GTF2IRD1: variants seen among roughly 807,000 people sequenced by gnomAD.
GTF2IRD1 encodes general transcription factor II-I repeat domain-containing protein 1.
Under a neutral mutation model 113.2 loss-of-function variants are expected in GTF2IRD1, and 26 were observed. The ratio of observed to expected loss-of-function variants is 0.23; its 90% CI spans 0.17 to 0.32. The LOEUF is 0.32. GTF2IRD1 is among the 10% of genes least tolerant of loss of function. The probability of loss-of-function intolerance (pLI) is 1.00; values close to 1 mark genes in which losing one functional copy is unlikely to be tolerated. For synonymous variants in GTF2IRD1, 484 were observed against 529.1 expected, an observed-to-expected ratio of 0.91 and a Z score of 1.17; for missense variants, 864 against 1,280.8, an observed-to-expected ratio of 0.67 and a Z score of 4.97.
intron 22 of GTF2IRD1, among the ~76,000 whole-genome samples, chr7:74,560,547 T>TAAAAATATTATATATATAATA (rs1583888591): frequency 6.8e-6 from 1 of 147,020 alleles, no homozygotes; most frequent in Admixed American, 6.9e-5. Flanking sequence ...TATATATAAT[T>TAAAAATATTATATATATAATA]AAAAATATTA....
At chr7:74,510,396 TC>T (rs1796554856) in intron 2 of GTF2IRD1, among the ~76,000 whole-genome samples, 1 of 150,616 alleles carries the variant, frequency 6.6e-6, no homozygotes, top group Admixed American at 6.7e-5. Context: ...AACCTCCGCC[TC>T]CTGGGCTCAA....
At chr7:74,508,545 G>C (rs959637616) in intron 2 of GTF2IRD1, among the ~76,000 whole-genome samples, 1 of 152,104 alleles carries the variant, frequency 6.6e-6, no homozygotes, top group Non-Finnish European at 1.5e-5. Context: ...CAAAAAATTA[G>C]CTGGGCGTGG....
At chr7:74,500,584 C>T (rs111709732) in intron 1 of GTF2IRD1, among the ~76,000 whole-genome samples, 1,571 of 149,344 alleles carry the variant, frequency 0.011, 31 homozygotes, top group African/African-American at 0.038. Context: ...TGAGGTTGTT[C>T]GTGTATGTGT....
intron 1 of GTF2IRD1, among the ~76,000 whole-genome samples, chr7:74,505,167 G>T (rs1796236305): frequency 6.6e-6 from 1 of 152,082 alleles, no homozygotes. Flanking sequence ...CTATAAGCAT[G>T]AACCACCGCA....
rs201864475 is a variant in GTF2IRD1, at chr7:74,601,066, G to A, written c.2652G>A (p.Lys884=). 5 of 1,614,166 alleles carry A rather than the reference G, an allele frequency of 3.1e-6. No homozygotes were observed. The highest frequency in any genetic ancestry group is 4.2e-6 in the Non-Finnish European group (5 of 1,180,030). Residue 884 remains lysine, a synonymous_variant, in exon 26 of 27, where the codon AAG becomes AAA. Transcript: ENST00000424337. ...CAGCCAAAGACAGCAGCATTCCCAA[G>A]CGCAAGAGAAAGCGGGTCTCGGAAG... ...KVPAKDSSIP[K]RKRKRVSEGN... is the part of the protein sequence containing the mutation.
chr7:74,590,671 G>A (rs1320913226), intron 23 of GTF2IRD1, among the ~76,000 whole-genome samples, 154 bp from the exon 24 acceptor site: 2 of 152,152 alleles, frequency 1.3e-5, no homozygotes, highest in African/African-American at 4.8e-5. Context: ...GATTACAGGC[G>A]TGAGCCACTG....
At chr7:74,578,766 C>T (rs1216522281) in intron 22 of GTF2IRD1, among the ~76,000 whole-genome samples, 2 of 152,150 alleles carry the variant, frequency 1.3e-5, no homozygotes, top group African/African-American at 4.8e-5. Context: ...CAGGCCACGA[C>T]GGGAGGATCC....
intron 26 of GTF2IRD1, chr7:74,602,002 A>G: frequency 5.8e-6 from 1 of 171,098 alleles, no homozygotes; most frequent in Non-Finnish European, 1.2e-5. Context: ...GCACTTTGGG[A>G]GGCCGAGGCA....
At chr7:74,570,196 C>T (rs1800612594) in intron 22 of GTF2IRD1, among the ~76,000 whole-genome samples, 1 of 151,070 alleles carries the variant, frequency 6.6e-6, no homozygotes, top group Non-Finnish European at 1.5e-5. Context: ...ACCCTGTCTC[C>T]ACCAAAAAAT....
At position 74,457,293 on chromosome 7, in the gene GTF2IRD1, A is replaced by G. The variant is rs371478470; in HGVS notation, c.-7+3117A>G. Among the ~76,000 whole-genome samples, 12 of 152,210 alleles carry G rather than the reference A, an allele frequency of 7.9e-5. No individual in the cohort carries two copies. The South Asian group carries it at 2.3e-3, about 29-fold the overall frequency. ...GAGTGAACCACCGCGCCTAGCCAAC[A>G]TCCTTTCCTTCCTTTGTCCCAACAT... On this transcript the variant is annotated intron_variant, in intron 1 of 26. Coordinates refer to ENST00000424337, the MANE Select transcript of GTF2IRD1 (RefSeq NM_005685.4).
intron 3 of GTF2IRD1, among the ~76,000 whole-genome samples, chr7:74,514,883 C>T (rs1197864615): frequency 2.0e-5 from 3 of 151,556 alleles, no homozygotes; most frequent in African/African-American, 7.3e-5. Context: ...ATGGTGAGAC[C>T]CCATCTCTAC....
At chr7:74,574,751 G>A (rs926681774) in intron 22 of GTF2IRD1, among the ~76,000 whole-genome samples, 1 of 150,954 alleles carries the variant, frequency 6.6e-6, no homozygotes, top group Admixed American at 6.6e-5. Context: ...GTGAGCCACC[G>A]TGCCCGGCCT....
chr7:74,518,369 C>T (rs1554345205), intron 5 of GTF2IRD1, 47 bp downstream of exon 5: 3 of 1,478,194 alleles, frequency 2.0e-6, no homozygotes, highest in African/African-American at 3.1e-5. Context: ...TGGGCCAGGG[C>T]CGGGTCAGGG....
intron 11 of GTF2IRD1, among the ~76,000 whole-genome samples, chr7:74,537,412 C>CA (rs781969047): frequency 0.012 from 1,461 of 124,772 alleles, 38 homozygotes; most frequent in Admixed American, 0.076. Context: ...GACTCCGTCT[C>CA]AAAAAAAAAA....
At chr7:74,602,325 A>G in intron 26 of GTF2IRD1, 40 bp from the exon 27 acceptor site, 5 of 1,601,688 alleles carry the variant, frequency 3.1e-6, no homozygotes, top group Non-Finnish European at 4.3e-6. Context: ...GTTCCGCATC[A>G]CCTGGAGTCC....
intron 1 of GTF2IRD1, among the ~76,000 whole-genome samples, chr7:74,486,061 C>G (rs1322669672): frequency 1.3e-5 from 2 of 152,020 alleles, no homozygotes; most frequent in South Asian, 2.1e-4. Context: ...ACCTCCGCCT[C>G]CCAGGTTCAA....
At chr7:74,505,589 C>CG (rs1358978401) in intron 1 of GTF2IRD1, among the ~76,000 whole-genome samples, 1 of 152,188 alleles carries the variant, frequency 6.6e-6, no homozygotes, top group Non-Finnish European at 1.5e-5. Flanking sequence ...CTGGGGCAGC[C>CG]GGGGGGCCAG....
At chr7:74,569,192 G>T (rs587634439) in intron 22 of GTF2IRD1, among the ~76,000 whole-genome samples, 1 of 152,180 alleles carries the variant, frequency 6.6e-6, no homozygotes, top group African/African-American at 2.4e-5. Context: ...TGTTCCCTAG[G>T]CCAGGGGCCA....
chr7:74,514,730 C>T (rs1053307662), intron 3 of GTF2IRD1, among the ~76,000 whole-genome samples: 1 of 151,754 alleles, frequency 6.6e-6, no homozygotes, highest in Admixed American at 6.6e-5. Context: ...TCTCTCCCTC[C>T]GGCAGAGCAG....
Sources: allele counts gnomAD v4.1 joint callset (sites outside exome capture counted in the v4.1 genomes callset), GRCh38; gene constraint gnomAD v4.1.1; transcripts MANE v1.5; gene names NCBI Gene and HGNC (gene_info 2026-07-23, HGNC 2026-07-21).